The following OPA1 variants were observed in gnomAD, a reference collection of about 807,000 sequenced individuals.
OPA1 encodes the protein dynamin-like GTPase OPA1, mitochondrial.
A neutral mutation model predicts 152.9 loss-of-function variants in OPA1; 59 were observed. The ratio of observed to expected loss-of-function variants is 0.39; its 90% CI spans 0.31 to 0.48. The LOEUF is 0.48. Among genes scored for constraint, OPA1 ranks in the 20% least tolerant of loss-of-function variants. OPA1 has a pLI of 0.96. For missense variants in OPA1, 1,008 were observed against 1,216.8 expected, an observed-to-expected ratio of 0.83 and a Z score of 2.55; for synonymous variants, 400 against 389.9, an observed-to-expected ratio of 1.03 and a Z score of -0.31.
At chr3:193,638,821 A>C (rs1418050869) in intron 11 of OPA1, among the ~76,000 whole-genome samples, 1 of 152,208 alleles carries the variant, frequency 6.6e-6, no homozygotes, top group East Asian at 1.9e-4. Flanking sequence ...TTGAAATAGA[A>C]TGTCTTTTGT....
chr3:193,673,842 T>A (rs901271721), intron 29 of OPA1, among the ~76,000 whole-genome samples: 2 of 152,238 alleles, frequency 1.3e-5, no homozygotes, highest in African/African-American at 4.8e-5. Context: ...GCTACCATTG[T>A]ACAGGCCTAT....
chr3:193,614,764 A>G lies in OPA1; in HGVS notation c.74A>G (p.Lys25Arg). The change falls in exon 2 of 31, where the codon AAA (lysine) becomes AGA (arginine). Residue 25 changes from lysine (K) to arginine (R), a missense_variant. This residue lies in a region of OPA1 where 408 missense variants were observed against 395.1 expected (regional missense o/e 1.03). Transcript: ENST00000361510. ...TTAGTGAAACACAGCTCTGGAATAAAAGGAAGTTTACCACTACAAAAACTA... is the reference window on the plus strand; with the variant it reads ...TTAGTGAAACACAGCTCTGGAATAAGAGGAAGTTTACCACTACAAAAACTA... ...QSLVKHSSGI[K>R]GSLPLQKLHL... 1.2e-6 allele frequency: 2 copies of G among 1,614,146 alleles called. No homozygotes were observed. Among genetic ancestry groups the G allele is most frequent in the East Asian group, 4.5e-5 (2 of 44,880 alleles).
intron 6 of OPA1, chr3:193,624,150 T>A (rs1730644371): frequency 6.6e-6 from 1 of 152,346 alleles, no homozygotes; most frequent in Non-Finnish European, 1.5e-5. Flanking sequence ...AAAAAAAGCA[T>A]TGTGTGCCTT....
intron 27 of OPA1, 131 bp downstream of exon 27, chr3:193,665,127 A>G (rs1716224111): frequency 1.6e-6 from 1 of 636,224 alleles, no homozygotes; most frequent in Non-Finnish European, 2.8e-6. Context: ...TGTGTAATTT[A>G]TAAAGAATAA....
In OPA1 at chr3:193,692,078, T is replaced by C; in HGVS notation, c.2999T>C (p.Ile1000Thr). 6.5e-7 allele frequency: 1 copy of C among 1,543,104 alleles called. No homozygotes were observed. The highest frequency in any genetic ancestry group is 8.9e-7 in the Non-Finnish European group (1 of 1,127,330). The change falls in exon 30 of 31, where the codon ATT (isoleucine) becomes ACT (threonine). Residue 1000 changes from isoleucine (I) to threonine (T), a missense_variant. This residue lies in a region of OPA1 where 137 missense variants were observed against 171.0 expected (regional missense o/e 0.80). Transcript: ENST00000361510. ...LAEDLKKVRE[I>T]QEKLDAFIEA... ...ATCTCCACAGAGAAAGTTAGAGAAA[T>C]TCAAGAAAAACTTGATGCTTTCATT...
intron 18 of OPA1, among the ~76,000 whole-genome samples, chr3:193,646,125 A>G (rs1734564089): frequency 6.6e-6 from 1 of 152,190 alleles, no homozygotes; most frequent in Non-Finnish European, 1.5e-5. Flanking sequence ...AAACGTGTAC[A>G]TATTTCTCTT....
At chr3:193,685,239 T>C (rs1402509396) in intron 29 of OPA1, among the ~76,000 whole-genome samples, 1 of 151,776 alleles carries the variant, frequency 6.6e-6, no homozygotes, top group Non-Finnish European at 1.5e-5. Context: ...GAGGCGGAGG[T>C]TGCAGTGAGC....
chr3:193,683,772 G>A (rs971595957), intron 29 of OPA1, among the ~76,000 whole-genome samples: 2 of 152,152 alleles, frequency 1.3e-5, no homozygotes, highest in East Asian at 1.9e-4. Context: ...TATGTACATT[G>A]TCTTTTTAGA....
intron 11 of OPA1, among the ~76,000 whole-genome samples, chr3:193,642,009 G>A (rs937698431): frequency 1.3e-4 from 20 of 152,294 alleles, no homozygotes; most frequent in Non-Finnish European, 2.2e-4. Context: ...CCAGCTACTC[G>A]GGAGGCTGAG....
At chr3:193,626,644 C>G (rs541243311) in intron 7 of OPA1, among the ~76,000 whole-genome samples, 8 of 152,260 alleles carry the variant, frequency 5.3e-5, no homozygotes, top group African/African-American at 1.9e-4. Context: ...AGTATATGGA[C>G]AGGGAACATT....
At chr3:193,668,522 T>A (rs1289820639) in intron 29 of OPA1, 24 of 1,548,480 alleles carry the variant, frequency 1.5e-5, no homozygotes, top group Non-Finnish European at 2.1e-5. Flanking sequence ...CGCTAGCCTC[T>A]GCCCGACCCC....
intron 29 of OPA1, among the ~76,000 whole-genome samples, chr3:193,669,665 C>T (rs1717486379): frequency 6.6e-6 from 1 of 152,128 alleles, no homozygotes; most frequent in Non-Finnish European, 1.5e-5. Flanking sequence ...TTATATCCCT[C>T]GTGATATAAT....
chr3:193,694,163 C>A (rs1235530566), intron 30 of OPA1, among the ~76,000 whole-genome samples: 1 of 152,170 alleles, frequency 6.6e-6, no homozygotes, highest in Admixed American at 6.5e-5. Flanking sequence ...TACAAAGTAT[C>A]TTGTGATCTG....
chr3:193,606,928 G>C (rs1727378967), intron 1 of OPA1, among the ~76,000 whole-genome samples: 2 of 152,120 alleles, frequency 1.3e-5, no homozygotes, highest in South Asian at 2.1e-4. Context: ...TCCAGCACCT[G>C]TTGTTTCCTG....
At chr3:193,686,839 A>G (rs968657015) in intron 29 of OPA1, among the ~76,000 whole-genome samples, 1 of 152,214 alleles carries the variant, frequency 6.6e-6, no homozygotes, top group Non-Finnish European at 1.5e-5. Context: ...ATGTTATACA[A>G]CAGTTCCATT....
At chr3:193,643,774 T>C in intron 15 of OPA1, 147 bp downstream of exon 15, 1 of 931,154 alleles carries the variant, frequency 1.1e-6, no homozygotes, top group Non-Finnish European at 1.6e-6. Context: ...GTAAATTAAA[T>C]TGAAGTTGAA....
intron 30 of OPA1, among the ~76,000 whole-genome samples, chr3:193,693,730 G>A (rs935890363): frequency 6.6e-6 from 1 of 152,194 alleles, no homozygotes; most frequent in Non-Finnish European, 1.5e-5. Flanking sequence ...TGTTTTATAA[G>A]TGTCCGTGTT....
chr3:193,618,796 G>A (rs1015950949), intron 5 of OPA1, 73 bp from the exon 6 acceptor site: 3 of 1,170,042 alleles, frequency 2.6e-6, no homozygotes, highest in East Asian at 4.7e-5. Flanking sequence ...TCATTGACTC[G>A]ATGTAATTTG....
Position 193,593,422 on chromosome 3 carries a change from T to C in OPA1, c.32+13T>C. 1 of 1,537,486 alleles carries C rather than the reference T, an allele frequency of 6.5e-7. No homozygotes were observed. The highest frequency in any genetic ancestry group is 1.4e-5 in the African/African-American group (1 of 72,452). ...CCGCTGTGGCCTGGTAAGTGCAGGCTCTAATCTGGCCCCGTTAATTCTGGG... is the reference window on the plus strand; with the variant it reads ...CCGCTGTGGCCTGGTAAGTGCAGGCCCTAATCTGGCCCCGTTAATTCTGGG... On this transcript the variant is annotated intron_variant, in intron 1 of 30. Transcript: ENST00000361510.
Sources: allele counts gnomAD v4.1 joint callset (sites outside exome capture counted in the v4.1 genomes callset), GRCh38; gene constraint gnomAD v4.1.1; regional missense constraint gnomAD v4.1.1; transcripts MANE v1.5; gene names NCBI Gene and HGNC (gene_info 2026-07-23, HGNC 2026-07-21).